The following PDE8B variants were observed in gnomAD, a reference collection of about 807,000 sequenced individuals.
PDE8B encodes the protein phosphodiesterase 8B, also known as high affinity cAMP-specific and IBMX-insensitive 3',5'-cyclic phosphodiesterase 8B.
PDE8B carries 26 observed loss-of-function variants against 101.3 expected under a neutral mutation model. That is an observed-to-expected ratio of 0.26 (90% CI 0.19 to 0.36). The LOEUF is 0.36. Ranked by LOEUF, PDE8B falls within the 10% of genes least tolerant of loss-of-function variation. The pLI is 1.00. For synonymous variants in PDE8B, 424 were observed against 429.3 expected, an observed-to-expected ratio of 0.99 and a Z score of 0.15; for missense variants, 810 against 1,163.1, an observed-to-expected ratio of 0.70 and a Z score of 4.42.
chr5:77,198,915 T>C, the PDE8B span, among the ~76,000 whole-genome samples: 2 of 152,156 alleles, frequency 1.3e-5, no homozygotes, highest in Admixed American at 1.3e-4. Context: ...TATACTGCAT[T>C]GTTTCTGGTT....
Position 77,407,404 on chromosome 5 carries a change from T to C in PDE8B, c.1312T>C (p.Tyr438His). ...AGCACCAAGCCTGCAGAATCGTCGC[T>C]ATCCGTCCATGGCGAGGATCCACTC... is the stretch of plus-strand genomic sequence containing the variant. ...SDAPSLQNRR[Y>H]PSMARIHSMT... The change falls in exon 13 of 22, where the codon TAT becomes CAT. Residue 438 changes from tyrosine (Y) to histidine (H), a missense_variant. This residue lies in a region of PDE8B where 75 missense variants were observed against 76.9 expected (regional missense o/e 0.98). Transcript: ENST00000264917. 1 of 1,614,120 alleles carries C rather than the reference T, an allele frequency of 6.2e-7. No homozygotes were observed. The highest frequency in any genetic ancestry group is 8.5e-7 in the Non-Finnish European group (1 of 1,179,990).
At chr5:77,425,184 T>C (rs1049518192) in intron 20 of PDE8B, among the ~76,000 whole-genome samples, 1 of 152,188 alleles carries the variant, frequency 6.6e-6, no homozygotes, top group African/African-American at 2.4e-5. Flanking sequence ...GAGCTTTGAC[T>C]TTGCAATGAT....
At chr5:77,328,920 A>G in intron 3 of PDE8B, 78 bp from the exon 4 acceptor site, 1 of 1,036,398 alleles carries the variant, frequency 9.6e-7, no homozygotes. Context: ...TATCATTTTC[A>G]GTGTGAAGAA....
At chr5:77,320,661 C>T (rs528676231) in intron 2 of PDE8B, among the ~76,000 whole-genome samples, 7 of 152,142 alleles carry the variant, frequency 4.6e-5, no homozygotes, top group Non-Finnish European at 1.5e-5. Context: ...AACAAGTCAT[C>T]GATAAATATT....
At chr5:77,330,994 G>A (rs112505134) in intron 4 of PDE8B, among the ~76,000 whole-genome samples, 1 of 152,236 alleles carries the variant, frequency 6.6e-6, no homozygotes, top group Non-Finnish European at 1.5e-5. Context: ...CTCATGTTGA[G>A]AGCTGGACCA....
At chr5:77,290,435 T>A in intron 1 of PDE8B, 1 of 1,445,754 alleles carries the variant, frequency 6.9e-7, no homozygotes, top group Non-Finnish European at 9.7e-7. Context: ...GACAGGCCAG[T>A]GTGGCAGACT....
intron 1 of PDE8B, among the ~76,000 whole-genome samples, chr5:77,297,288 A>C (rs1186526177): frequency 6.6e-6 from 1 of 152,226 alleles, no homozygotes; most frequent in Non-Finnish European, 1.5e-5. Flanking sequence ...ACTAAATTTC[A>C]ACATGAATTT....
intron 1 of PDE8B, among the ~76,000 whole-genome samples, chr5:77,296,634 G>T (rs1450391169): frequency 2.6e-5 from 4 of 152,088 alleles, no homozygotes; most frequent in African/African-American, 4.8e-5. Context: ...ATCTAAAAAA[G>T]AATTTTTAAA....
At chr5:77,162,920 C>G in the PDE8B span, among the ~76,000 whole-genome samples, 1 of 152,142 alleles carries the variant, frequency 6.6e-6, no homozygotes. Context: ...TAGTAATTGA[C>G]TTATTTGAAC....
the PDE8B span, among the ~76,000 whole-genome samples, chr5:77,091,598 G>A: frequency 6.6e-6 from 1 of 152,126 alleles, no homozygotes; most frequent in Admixed American, 6.5e-5. Flanking sequence ...CCGAGATCGT[G>A]CAACTGCACT....
intron 1 of PDE8B, among the ~76,000 whole-genome samples, chr5:77,237,548 T>C (rs1754947606): frequency 6.6e-6 from 1 of 152,122 alleles, no homozygotes; most frequent in Admixed American, 6.5e-5. Flanking sequence ...TTCATAGTTA[T>C]TTTATATACT....
chr5:77,106,404 C>G, the PDE8B span, among the ~76,000 whole-genome samples: 1 of 152,262 alleles, frequency 6.6e-6, no homozygotes, highest in Admixed American at 6.5e-5. Flanking sequence ...CACCATTTGC[C>G]GAAGCACCCC....
intron 10 of PDE8B, among the ~76,000 whole-genome samples, chr5:77,396,127 C>A (rs384871): frequency 0.84 from 127,591 of 152,272 alleles, 53,881 homozygotes; most frequent in African/African-American, 0.94. Flanking sequence ...AATTCAACAA[C>A]AGGTTTTATC....
At chr5:77,267,020 G>A (rs1167122893) in intron 1 of PDE8B, among the ~76,000 whole-genome samples, 1 of 152,140 alleles carries the variant, frequency 6.6e-6, no homozygotes, top group African/African-American at 2.4e-5. Context: ...GTTAACAATA[G>A]AATTTGATTC....
intron 1 of PDE8B, among the ~76,000 whole-genome samples, chr5:77,286,479 A>G (rs991374133): frequency 1.3e-5 from 2 of 152,238 alleles, no homozygotes; most frequent in Non-Finnish European, 2.9e-5. Context: ...CCCTCATGGC[A>G]AAACTGAAAA....
chr5:77,246,294 G>C (rs569254064), intron 1 of PDE8B, among the ~76,000 whole-genome samples: 3 of 152,290 alleles, frequency 2.0e-5, no homozygotes, highest in East Asian at 3.9e-4. Flanking sequence ...GCTTGTGGGC[G>C]TGGGGGGTTC....
the PDE8B span, among the ~76,000 whole-genome samples, chr5:77,109,175 G>A: frequency 6.6e-6 from 1 of 152,254 alleles, no homozygotes; most frequent in South Asian, 2.1e-4. Flanking sequence ...TGCACTGAGA[G>A]TCAGGACTCT....
At chr5:77,346,013 G>T (rs1032424617) in intron 7 of PDE8B, among the ~76,000 whole-genome samples, 1 of 152,166 alleles carries the variant, frequency 6.6e-6, no homozygotes. Context: ...AATAAGGGTA[G>T]GCAAGAGACA....
rs151208627 is a variant in PDE8B, at chr5:77,407,868, G to A, written c.1365+411G>A. Among the ~76,000 whole-genome samples the A allele has an allele frequency of 1.7e-4, 26 of 152,322 alleles. No homozygotes were observed. In the East Asian group the frequency reaches 2.9e-3, roughly 17 times the overall value. On this transcript the variant is annotated intron_variant, in intron 13 of 21. Coordinates refer to ENST00000264917, the MANE Select transcript of PDE8B (RefSeq NM_003719.5). The stretch of plus-strand genomic sequence containing the variant: ...GAGCTGAAAGAAAGTCGGAGTGGCC[G>A]GAGCTTGGTAAGCAGGTGAGAGAGG...
Sources: allele counts gnomAD v4.1 joint callset (sites outside exome capture counted in the v4.1 genomes callset), GRCh38; gene constraint gnomAD v4.1.1; regional missense constraint gnomAD v4.1.1; transcripts MANE v1.5; gene names NCBI Gene and HGNC (gene_info 2026-07-23, HGNC 2026-07-21).